PLA2G7: variants seen among roughly 807,000 people sequenced by gnomAD.
PLA2G7 encodes phospholipase A2 group VII, also known as platelet-activating factor acetylhydrolase.
In PLA2G7, 63 loss-of-function variants were observed where a neutral mutation model predicts 49.6. That is an observed-to-expected ratio of 1.27 (90% confidence interval 1.04 to 1.57). PLA2G7 has a LOEUF of 1.57. Ranked by LOEUF, PLA2G7 falls within the 40% of genes most tolerant of loss-of-function variation. The pLI, the probability that PLA2G7 is intolerant of heterozygous loss-of-function variation, is 0.00. For missense variants in PLA2G7, 596 were observed against 521.2 expected (o/e 1.14, Z -1.40); for synonymous variants, 193 against 169.9 (o/e 1.14, Z -1.06).
intron 1 of PLA2G7, among the ~76,000 whole-genome samples, chr6:46,724,608 C>A (rs1765515829): frequency 6.6e-6 from 1 of 152,192 alleles, no homozygotes. Flanking sequence ...TCCTGAGAAA[C>A]AAAAATTTGA....
At chr6:46,719,374 C>G (rs1212411429) in intron 2 of PLA2G7, among the ~76,000 whole-genome samples, 2 of 152,192 alleles carry the variant, frequency 1.3e-5, no homozygotes, top group Non-Finnish European at 2.9e-5. Flanking sequence ...GATCCATGGA[C>G]CAGCATCACT....
Position 46,711,620 on chromosome 6 carries a change from C to A in PLA2G7, c.540-1G>T, listed in dbSNP as rs774268526. 3 of 1,613,400 alleles carry A rather than the reference C, an allele frequency of 1.9e-6. No individual in the cohort carries two copies. Among genetic ancestry groups the A allele is most frequent in the Non-Finnish European group, 2.5e-6 (3 of 1,179,454 alleles). On this transcript the variant is annotated splice_acceptor_variant, in intron 6 of 11. Transcript: ENST00000274793. LOFTEE classifies it high-confidence loss of function. ...GTAAGTTGCAGATGCAGATCTATCTCTATAATACAAGCAAAATTATTATTT... is the reference window on the plus strand; with the variant it reads ...GTAAGTTGCAGATGCAGATCTATCTATATAATACAAGCAAAATTATTATTT...
At position 46,711,635 on chromosome 6, in the gene PLA2G7, A is replaced by T. The variant is rs371864505; in HGVS notation, c.540-16T>A. 2.9e-5 allele frequency: 46 copies of T among 1,612,866 alleles called. No individual in the cohort carries two copies. In the Middle Eastern group the frequency reaches 4.3e-3, roughly 151 times the overall value. On this transcript the variant is annotated splice_polypyrimidine_tract_variant and intron_variant, in intron 6 of 11. Coordinates refer to ENST00000274793, the MANE Select transcript of PLA2G7 (RefSeq NM_005084.4). ...AGATCTATCTCTATAATACAAGCAA[A>T]ATTATTATTTATGCATGCTCCTTCC...
intron 2 of PLA2G7, among the ~76,000 whole-genome samples, chr6:46,720,072 C>T (rs1184021634): frequency 6.6e-6 from 1 of 152,214 alleles, no homozygotes; most frequent in African/African-American, 2.4e-5. Context: ...GTAGGGACAC[C>T]TGCTTCTTCT....
intron 1 of PLA2G7, among the ~76,000 whole-genome samples, chr6:46,726,871 A>G (rs1028571593): frequency 3.9e-5 from 6 of 151,944 alleles, no homozygotes; most frequent in African/African-American, 7.3e-5. Context: ...TGAACTCCTG[A>G]CCTCATGTGA....
chr6:46,714,890 C>A (rs933745502), intron 4 of PLA2G7, among the ~76,000 whole-genome samples: 2 of 151,706 alleles, frequency 1.3e-5, no homozygotes, highest in Non-Finnish European at 2.9e-5. Context: ...CATGCGCCAC[C>A]ACGCCTGGCT....
At chr6:46,731,574 A>G (rs1765735505) in intron 1 of PLA2G7, among the ~76,000 whole-genome samples, 1 of 152,132 alleles carries the variant, frequency 6.6e-6, no homozygotes, top group Admixed American at 6.5e-5. Context: ...TTTATTGGTA[A>G]CTCTTAGTTA....
At chr6:46,735,134 G>C in intron 1 of PLA2G7, 46 bp downstream of exon 1, 1 of 142,730 alleles carries the variant, frequency 7.0e-6, no homozygotes, top group Admixed American at 6.9e-5. Flanking sequence ...CGCGGCGACC[G>C]TGCCCTTCCT....
At chr6:46,716,888 C>T in intron 3 of PLA2G7, 87 bp downstream of exon 3, 4 of 1,354,854 alleles carry the variant, frequency 3.0e-6, no homozygotes, top group Non-Finnish European at 4.2e-6. Flanking sequence ...CAGGTGAGGG[C>T]AAGGTCACAT....
intron 1 of PLA2G7, among the ~76,000 whole-genome samples, chr6:46,732,612 C>G (rs545343849): frequency 6.6e-6 from 1 of 152,264 alleles, no homozygotes; most frequent in East Asian, 1.9e-4. Context: ...TAGGAATCAA[C>G]TAGCCCACTT....
chr6:46,733,810 C>T (rs759180751), intron 1 of PLA2G7, among the ~76,000 whole-genome samples: 2 of 152,178 alleles, frequency 1.3e-5, no homozygotes, highest in African/African-American at 2.4e-5. Flanking sequence ...CTCAAGGTTT[C>T]GTGCTGAGCC....
intron 1 of PLA2G7, among the ~76,000 whole-genome samples, chr6:46,726,735 A>G (rs1765585713): frequency 1.3e-5 from 2 of 151,968 alleles, no homozygotes; most frequent in African/African-American, 4.8e-5. Context: ...TCCGCCTTCC[A>G]GGTTCAAGTG....
At chr6:46,714,180 T>C (rs149421220) in intron 5 of PLA2G7, among the ~76,000 whole-genome samples, 78 of 152,308 alleles carry the variant, frequency 5.1e-4, no homozygotes, top group African/African-American at 1.9e-3. Context: ...AGGATAATTT[T>C]AAGAGTGTAA....
chr6:46,718,033 A>G (rs1290257767), intron 2 of PLA2G7, among the ~76,000 whole-genome samples: 2 of 152,134 alleles, frequency 1.3e-5, no homozygotes, highest in East Asian at 3.9e-4. Flanking sequence ...TCTATTGCTA[A>G]CATTAGTTTT....
intron 2 of PLA2G7, 83 bp from the exon 3 acceptor site, chr6:46,717,179 G>A (rs972146812): frequency 2.4e-6 from 3 of 1,247,426 alleles, no homozygotes; most frequent in Non-Finnish European, 3.5e-6. Context: ...ACGGAATCAA[G>A]TTACTTCCCA....
chr6:46,725,466 A>G (rs1047532710), intron 1 of PLA2G7, among the ~76,000 whole-genome samples: 8 of 152,130 alleles, frequency 5.3e-5, no homozygotes, highest in East Asian at 1.9e-4. Flanking sequence ...TCCTGACCTC[A>G]TGATCTGCCC....
chr6:46,717,935 C>G (rs1408574805), intron 2 of PLA2G7, among the ~76,000 whole-genome samples: 1 of 152,154 alleles, frequency 6.6e-6, no homozygotes, highest in African/African-American at 2.4e-5. Flanking sequence ...CCAGAATGGT[C>G]TTGATCTCCT....
chr6:46,717,310 C>T (rs142920525), intron 2 of PLA2G7, among the ~76,000 whole-genome samples: 2 of 152,156 alleles, frequency 1.3e-5, no homozygotes, highest in African/African-American at 4.8e-5. Flanking sequence ...GTAGACATAG[C>T]CTTTCTCTCA....
chr6:46,734,415 T>TGTGA (rs1765832579), intron 1 of PLA2G7, among the ~76,000 whole-genome samples: 176 of 54,300 alleles, frequency 3.2e-3, no homozygotes, highest in South Asian at 8.0e-3. Flanking sequence ...TGTGTGTGTG[T>TGTGA]GAGAGAGAGA....
Sources: gnomAD v4.1 joint callset for allele counts (sites outside exome capture counted in the v4.1 genomes callset) on GRCh38, gnomAD v4.1.1 for gene constraint, MANE v1.5 for transcripts, NCBI Gene and HGNC (gene_info 2026-07-23, HGNC 2026-07-21) for gene names.